ROBO2: variants seen among roughly 807,000 people sequenced by gnomAD.
ROBO2 encodes roundabout homolog 2.
ROBO2 carries 53 observed loss-of-function variants against 160.8 expected under a neutral mutation model. That is an observed-to-expected ratio of 0.33 (90% CI 0.26 to 0.41). The LOEUF is 0.41. ROBO2 is among the 10% of genes least tolerant of loss of function. The probability of loss-of-function intolerance (pLI) is 1.00; values close to 1 mark genes in which losing one functional copy is unlikely to be tolerated. For synonymous variants in ROBO2, 664 were observed against 611.7 expected, an observed-to-expected ratio of 1.09 and a Z score of -1.26; for missense variants, 1,577 against 1,722.4, an observed-to-expected ratio of 0.92 and a Z score of 1.49.
At chr3:76,281,796 T>C (rs1358455412) in intron 2 of ROBO2, among the ~76,000 whole-genome samples, 1 of 151,990 alleles carries the variant, frequency 6.6e-6, no homozygotes, top group East Asian at 1.9e-4. Context: ...ATTGTTCACA[T>C]ACAATAAAGA....
At chr3:76,530,001 A>G (rs1289374059) in intron 2 of ROBO2, among the ~76,000 whole-genome samples, 1 of 152,032 alleles carries the variant, frequency 6.6e-6, no homozygotes, top group African/African-American at 2.4e-5. Context: ...AGGACCTTCT[A>G]TTCTGTGTCC....
At chr3:77,625,064 T>C (rs2094981724) in intron 23 of ROBO2, among the ~76,000 whole-genome samples, 1 of 152,142 alleles carries the variant, frequency 6.6e-6, no homozygotes. Flanking sequence ...TGTAAAGAAA[T>C]AAGCATGTTA....
intron 2 of ROBO2, among the ~76,000 whole-genome samples, chr3:77,296,108 G>T (rs553275822): frequency 6.6e-6 from 1 of 151,466 alleles, no homozygotes; most frequent in Admixed American, 6.6e-5. Flanking sequence ...ATGGTTAAAC[G>T]GGTAGGCTGA....
chr3:77,089,305 A>G (rs2069797969), intron 1 of ROBO2, among the ~76,000 whole-genome samples: 1 of 152,126 alleles, frequency 6.6e-6, no homozygotes, highest in African/African-American at 2.4e-5. Context: ...TTTCCTCCTC[A>G]TCTATAAAAT....
chr3:76,669,338 A>G (rs1218600438), intron 2 of ROBO2, among the ~76,000 whole-genome samples: 1 of 152,216 alleles, frequency 6.6e-6, no homozygotes, highest in Non-Finnish European at 1.5e-5. Context: ...TTCCATAAAA[A>G]AGGCAAAAAC....
In ROBO2 at chr3:77,280,365, A is replaced by C. The variant is rs143541773; in HGVS notation, c.388+182025A>C. Among the ~76,000 whole-genome samples the C allele has an allele frequency of 2.1e-3, 324 of 152,292 alleles. 1 individual carries two copies. Among genetic ancestry groups the C allele is most frequent in the Admixed American group, 6.4e-3 (98 of 15,296 alleles). ...GGAAAGTTATAGCTAATTTAAATCT[A>C]GGGTTGATAAATATGTGAATTCTTT... is the stretch of plus-strand genomic sequence containing the variant. On this transcript the variant is annotated intron_variant, in intron 2 of 25. Transcript: ENST00000461745.
At chr3:76,622,299 A>G (rs536629862) in intron 2 of ROBO2, among the ~76,000 whole-genome samples, 29,149 of 95,880 alleles carry the variant, frequency 0.3, 6,657 homozygotes, top group South Asian at 0.42. Flanking sequence ...AGAAAGAAAG[A>G]AAGAAAGAAA....
chr3:76,148,396 T>G (rs962470258), intron 2 of ROBO2, among the ~76,000 whole-genome samples: 4 of 152,058 alleles, frequency 2.6e-5, no homozygotes, highest in African/African-American at 9.7e-5. Context: ...TCATGCTTCT[T>G]TCCTGTATAT....
intron 2 of ROBO2, among the ~76,000 whole-genome samples, chr3:77,268,836 T>TG (rs950634019): frequency 5.3e-5 from 8 of 152,170 alleles, no homozygotes; most frequent in African/African-American, 1.9e-4. Flanking sequence ...TTAGAGAGCC[T>TG]GGGGGAGTGT....
At chr3:76,261,703 A>G (rs2107596614) in intron 2 of ROBO2, among the ~76,000 whole-genome samples, 1 of 152,172 alleles carries the variant, frequency 6.6e-6, no homozygotes, top group Admixed American at 6.5e-5. Context: ...CCCTCTCCTC[A>G]TCGTAGAAAA....
At chr3:77,181,419 A>G (rs1204280732) in intron 2 of ROBO2, among the ~76,000 whole-genome samples, 1 of 152,088 alleles carries the variant, frequency 6.6e-6, no homozygotes. Context: ...TGAATTCACC[A>G]GTGACTGAGA....
At chr3:76,657,572 C>G (rs1252268958) in intron 2 of ROBO2, among the ~76,000 whole-genome samples, 1 of 148,134 alleles carries the variant, frequency 6.8e-6, no homozygotes, top group African/African-American at 2.5e-5. Flanking sequence ...ATGGTGAAAC[C>G]CTGCCTCTCT....
intron 2 of ROBO2, among the ~76,000 whole-genome samples, chr3:75,967,555 A>G (rs1949160888): frequency 6.6e-6 from 1 of 151,558 alleles, no homozygotes; most frequent in African/African-American, 2.4e-5. Flanking sequence ...TGGCACTCAG[A>G]TTTAGTAGGT....
intron 2 of ROBO2, among the ~76,000 whole-genome samples, chr3:76,009,156 G>T (rs569377374): frequency 1.9e-3 from 293 of 152,246 alleles, no homozygotes; most frequent in Middle Eastern, 0.01. Flanking sequence ...AGGCTGGAGT[G>T]CAGGGGCGCG....
intron 2 of ROBO2, among the ~76,000 whole-genome samples, chr3:76,399,182 A>G (rs1367596904): frequency 6.6e-6 from 1 of 151,696 alleles, no homozygotes; most frequent in Non-Finnish European, 1.5e-5. Flanking sequence ...ATATTGTTGA[A>G]TTTGTATTTT....
intron 1 of ROBO2, among the ~76,000 whole-genome samples, chr3:77,058,963 T>C (rs2066022218): frequency 6.6e-6 from 1 of 152,230 alleles, no homozygotes; most frequent in South Asian, 2.1e-4. Flanking sequence ...GCATCTGCAA[T>C]GTGCTGAATA....
chr3:77,386,602 A>ACTTTTTTTTTTTTTTTTTTTTT (rs2074123873), intron 2 of ROBO2, among the ~76,000 whole-genome samples: 1 of 32,108 alleles, frequency 3.1e-5, no homozygotes, highest in Non-Finnish European at 7.2e-5. Flanking sequence ...TCAGCCAGGT[A>ACTTTTTTTTTTTTTTTTTTTTT]ATTTTTTTTT....
At chr3:77,494,747 C>T (rs562695286) in intron 5 of ROBO2, among the ~76,000 whole-genome samples, 2 of 150,990 alleles carry the variant, frequency 1.3e-5, no homozygotes, top group African/African-American at 4.9e-5. Context: ...TTTTATAAAT[C>T]CCTAGATATG....
intron 2 of ROBO2, among the ~76,000 whole-genome samples, chr3:76,285,488 T>TATA (rs879272430): frequency 8.4e-4 from 128 of 152,144 alleles, no homozygotes; most frequent in African/African-American, 2.5e-3. Flanking sequence ...ATTTAATATA[T>TATA]TTTACTATTA....
Sources: gnomAD v4.1 joint callset for allele counts (sites outside exome capture counted in the v4.1 genomes callset) on GRCh38, gnomAD v4.1.1 for gene constraint, MANE v1.5 for transcripts, NCBI Gene and HGNC (gene_info 2026-07-23, HGNC 2026-07-21) for gene names.